ADAM23: variants seen among roughly 807,000 people sequenced by gnomAD.
The protein encoded by ADAM23 is ADAM metallopeptidase domain 23, also known as disintegrin and metalloproteinase domain-containing protein 23.
In ADAM23, 33 loss-of-function variants were observed where a neutral mutation model predicts 120.1. The observed-to-expected ratio is 0.27, with a 90% CI of 0.21 to 0.37. The LOEUF (loss-of-function observed/expected upper bound fraction) is 0.37. Among genes scored for constraint, ADAM23 ranks in the 10% least tolerant of loss-of-function variants. The pLI is 1.00. For synonymous variants in ADAM23, 367 were observed against 375.2 expected, an observed-to-expected ratio of 0.98 and a Z score of 0.25; for missense variants, 862 against 1,058.2, an observed-to-expected ratio of 0.81 and a Z score of 2.57.
chr2:206,501,735 A>G lies in ADAM23; in HGVS notation c.509+20427A>G, dbSNP rs77279421. ...GTCTATAAGAACTTTTTGCAAGGTG[A>G]TAGCAATCTCAGGTTGAATTCTGCC... On this transcript the variant is annotated intron_variant, in intron 3 of 25. Transcript: ENST00000264377. 1.4e-3 allele frequency among the ~76,000 whole-genome samples: 207 copies of G among 152,256 alleles called. 6 individuals carry two copies. In the East Asian group the frequency reaches 0.036, roughly 26 times the overall value.
intron 6 of ADAM23, among the ~76,000 whole-genome samples, chr2:206,544,560 G>T (rs1574524462): frequency 6.6e-6 from 1 of 151,832 alleles, no homozygotes; most frequent in Non-Finnish European, 1.5e-5. Flanking sequence ...TGGTATGTTA[G>T]ATAGTGATAC....
chr2:206,576,834 G>T (rs1229285482), intron 18 of ADAM23, among the ~76,000 whole-genome samples: 1 of 152,110 alleles, frequency 6.6e-6, no homozygotes, highest in Admixed American at 6.5e-5. Flanking sequence ...AACAATACTG[G>T]TGGATGTAAT....
intron 18 of ADAM23, among the ~76,000 whole-genome samples, chr2:206,576,177 A>C (rs1698108720): frequency 6.6e-6 from 1 of 152,116 alleles, no homozygotes; most frequent in South Asian, 2.1e-4. Flanking sequence ...TTCTGTGTTT[A>C]ATGACGTGTA....
At chr2:206,546,951 T>C (rs1198702871) in intron 6 of ADAM23, among the ~76,000 whole-genome samples, 1 of 152,204 alleles carries the variant, frequency 6.6e-6, no homozygotes, top group East Asian at 1.9e-4. Flanking sequence ...ACTAAATTTC[T>C]CTCTCAAACT....
At chr2:206,611,927 T>C (rs1698834845) in intron 25 of ADAM23, among the ~76,000 whole-genome samples, 1 of 152,244 alleles carries the variant, frequency 6.6e-6, no homozygotes, top group Non-Finnish European at 1.5e-5. Flanking sequence ...TGCTGACTGC[T>C]GCCTGGTTGT....
At chr2:206,499,589 T>C (rs910219355) in intron 3 of ADAM23, among the ~76,000 whole-genome samples, 1 of 151,752 alleles carries the variant, frequency 6.6e-6, no homozygotes. Context: ...TGTATACATA[T>C]GTAACAAACC....
In ADAM23 at chr2:206,495,173, G is replaced by C. The variant is rs140631874; in HGVS notation, c.509+13865G>C. ...ACGCCACAAAGATACTCCTCGAGAA[G>C]AGCAACTCCAAGACACATAATTGTC... On this transcript the variant is annotated intron_variant, in intron 3 of 25. Transcript: ENST00000264377. 5.9e-3 allele frequency among the ~76,000 whole-genome samples: 901 copies of C among 152,236 alleles called. 8 individuals are homozygous for C. The highest frequency in any genetic ancestry group is 9.3e-3 in the Non-Finnish European group (636 of 68,034).
rs117283393 is a variant in ADAM23, at chr2:206,504,486, T to C, written c.509+23178T>C. 2.1e-3 allele frequency among the ~76,000 whole-genome samples: 315 copies of C among 152,264 alleles called. 12 individuals carry two copies. In the East Asian group the frequency reaches 0.055, roughly 26 times the overall value. On this transcript the variant is annotated intron_variant, in intron 3 of 25. Transcript: ENST00000264377. ...AGACTTGAGGTCTTCTCTGGCCAAG[T>C]GTAAGAGACGCCCTGCCTTGAAAAT...
chr2:206,444,043 G>C lies in ADAM23; in HGVS notation c.177G>C (p.Ser59=). 3 of 1,402,992 alleles carry C rather than the reference G, an allele frequency of 2.1e-6. No individual in the cohort carries two copies. Among genetic ancestry groups the C allele is most frequent in the Non-Finnish European group, 2.8e-6 (3 of 1,075,372 alleles). The allele number at this position is 1,402,992 out of a possible 1,614,324, so 86.9% of individuals were successfully genotyped here. The part of the protein sequence containing the change: ...VLLLLPPLAA[S]SRPRAWGAAA... ...TCCTGCTGCCTCCGCTCGCCGCCTCGTCCCGGCCCCGCGCCTGGGGGGCTG... is the reference window on the plus strand; with the variant it reads ...TCCTGCTGCCTCCGCTCGCCGCCTCCTCCCGGCCCCGCGCCTGGGGGGCTG... Residue 59 remains serine (S), a synonymous_variant, in exon 1 of 26, where the codon TCG becomes TCC. Transcript: ENST00000264377.
intron 2 of ADAM23, among the ~76,000 whole-genome samples, chr2:206,464,355 A>G (rs1353184273): frequency 6.6e-6 from 1 of 152,118 alleles, no homozygotes; most frequent in East Asian, 1.9e-4. Context: ...CGGGTGGATC[A>G]CCTGAGGTCA....
At chr2:206,568,197 G>C (rs571498681) in intron 15 of ADAM23, among the ~76,000 whole-genome samples, 1 of 151,924 alleles carries the variant, frequency 6.6e-6, no homozygotes, top group East Asian at 1.9e-4. Context: ...AATCACCCAA[G>C]GTATTTATGG....
Position 206,500,001 on chromosome 2 carries a change from G to C in ADAM23, c.509+18693G>C, listed in dbSNP as rs556553197. On this transcript the variant is annotated intron_variant, in intron 3 of 25. Coordinates refer to ENST00000264377, the MANE Select transcript of ADAM23 (RefSeq NM_003812.4). ...ACCCGTACTACATTTTTCTTGTTTT[G>C]AGTTTATCTCTCCTGAAGATATGCT... Among the ~76,000 whole-genome samples, 3 of 152,146 alleles carry C rather than the reference G, an allele frequency of 2.0e-5. No homozygotes were observed. The South Asian group carries it at 6.2e-4, about 32-fold the overall frequency.
chr2:206,500,993 CT>C (rs201894596), intron 3 of ADAM23, among the ~76,000 whole-genome samples: 496 of 142,356 alleles, frequency 3.5e-3, no homozygotes, highest in Non-Finnish European at 3.7e-3. Context: ...GAGCCACTCA[CT>C]TTTTTTTTTT....
intron 3 of ADAM23, among the ~76,000 whole-genome samples, chr2:206,508,064 CTG>C (rs1420014244): frequency 5.6e-4 from 85 of 152,212 alleles, no homozygotes; most frequent in African/African-American, 2.0e-3. Flanking sequence ...GAGTCTCGCT[CTG>C]TTTCCCAGGC....
At chr2:206,558,606 T>C (rs893850784) in intron 10 of ADAM23, among the ~76,000 whole-genome samples, 2 of 152,218 alleles carry the variant, frequency 1.3e-5, no homozygotes, top group Non-Finnish European at 2.9e-5. Flanking sequence ...ATTTCAGCTC[T>C]TGTTTATCTT....
chr2:206,558,243 G>T lies in ADAM23; in HGVS notation c.1005+745G>T, dbSNP rs576135539. 5.3e-5 allele frequency among the ~76,000 whole-genome samples: 8 copies of T among 152,156 alleles called. No homozygotes were observed. The East Asian group carries it at 1.4e-3, about 26-fold the overall frequency. On this transcript the variant is annotated intron_variant, in intron 10 of 25. Coordinates refer to ENST00000264377, the MANE Select transcript of ADAM23 (RefSeq NM_003812.4). Reference sequence around the variant, plus strand: ...GTTGACTAGTCAGAAATTAAATATAGAATATTACTCCATATGTTGTAATGT... The same window carrying T: ...GTTGACTAGTCAGAAATTAAATATATAATATTACTCCATATGTTGTAATGT...
chr2:206,482,522 C>T (rs948409952), intron 3 of ADAM23, among the ~76,000 whole-genome samples: 5 of 152,184 alleles, frequency 3.3e-5, no homozygotes, highest in Admixed American at 1.3e-4. Context: ...AATAAAATAT[C>T]TCAGCCATAG....
rs866577988 is a variant in ADAM23, at chr2:206,504,478, T to C, written c.509+23170T>C. Among the ~76,000 whole-genome samples the C allele has an allele frequency of 2.0e-5, 3 of 152,304 alleles. No individual in the cohort carries two copies. The Middle Eastern group carries it at 0.01, about 518-fold the overall frequency. ...TTGAATAAAGACTTGAGGTCTTCTC[T>C]GGCCAAGTGTAAGAGACGCCCTGCC... On this transcript the variant is annotated intron_variant, in intron 3 of 25. Coordinates refer to ENST00000264377, the MANE Select transcript of ADAM23 (RefSeq NM_003812.4).
intron 14 of ADAM23, among the ~76,000 whole-genome samples, chr2:206,565,944 A>G (rs1236475833): frequency 1.3e-5 from 2 of 152,174 alleles, no homozygotes; most frequent in Non-Finnish European, 2.9e-5. Flanking sequence ...AGGTTTGCAC[A>G]GTAGGCCATT....
Sources: gnomAD v4.1 joint callset for allele counts (sites outside exome capture counted in the v4.1 genomes callset) on GRCh38, gnomAD v4.1.1 for gene constraint, MANE v1.5 for transcripts, NCBI Gene and HGNC (gene_info 2026-07-23, HGNC 2026-07-21) for gene names.